Variants in SLC4A4 observed in about 807,000 individuals in gnomAD.
SLC4A4 encodes electrogenic sodium bicarbonate cotransporter 1.
Under a neutral mutation model 111.5 loss-of-function variants are expected in SLC4A4, and 27 were observed. The observed-to-expected ratio is 0.24, with a 90% CI of 0.18 to 0.33. The LOEUF is 0.33. Ranked by LOEUF, SLC4A4 falls within the 10% of genes least tolerant of loss-of-function variation. The pLI, the probability that SLC4A4 is intolerant of heterozygous loss-of-function variation, is 1.00. For synonymous variants in SLC4A4, 443 were observed against 463.4 expected, an observed-to-expected ratio of 0.96 and a Z score of 0.57; for missense variants, 909 against 1,315.5, an observed-to-expected ratio of 0.69 and a Z score of 4.78.
At chr4:71,145,049 G>A (rs926621976) in intron 2 of SLC4A4, among the ~76,000 whole-genome samples, 1 of 152,104 alleles carries the variant, frequency 6.6e-6, no homozygotes, top group African/African-American at 2.4e-5. Context: ...AATGCTTCGA[G>A]TTTTTGTCCA....
intron 2 of SLC4A4, among the ~76,000 whole-genome samples, chr4:71,250,852 G>A (rs1721017650): frequency 6.6e-6 from 1 of 152,174 alleles, no homozygotes; most frequent in African/African-American, 2.4e-5. Context: ...CTCCTGTGGG[G>A]TTTTATGAAG....
intron 13 of SLC4A4, among the ~76,000 whole-genome samples, chr4:71,468,012 A>G (rs1427387086): frequency 6.6e-6 from 1 of 152,074 alleles, no homozygotes; most frequent in Admixed American, 6.6e-5. Context: ...AAAAATAGTC[A>G]TAAGATGGAG....
At chr4:71,532,471 T>C (rs754664048) in intron 17 of SLC4A4, among the ~76,000 whole-genome samples, 5 of 152,142 alleles carry the variant, frequency 3.3e-5, no homozygotes, top group Admixed American at 6.6e-5. Context: ...ATCTATATAA[T>C]GACTCTGGGA....
At chr4:71,076,639 A>G (rs1204590829) in intron 1 of SLC4A4, among the ~76,000 whole-genome samples, 1 of 152,088 alleles carries the variant, frequency 6.6e-6, no homozygotes, top group Non-Finnish European at 1.5e-5. Flanking sequence ...TTGGGAATGT[A>G]TTTCTCATTT....
intron 7 of SLC4A4, among the ~76,000 whole-genome samples, chr4:71,407,651 C>T (rs1273761536): frequency 2.0e-5 from 3 of 152,144 alleles, no homozygotes; most frequent in Non-Finnish European, 4.4e-5. Flanking sequence ...AATTGGAATG[C>T]AACTATCTAG....
At chr4:71,321,216 T>C (rs900198902) in intron 3 of SLC4A4, among the ~76,000 whole-genome samples, 1 of 151,992 alleles carries the variant, frequency 6.6e-6, no homozygotes, top group African/African-American at 2.4e-5. Flanking sequence ...TAGAAGGAAG[T>C]TTATTTCTAT....
chr4:71,439,611 G>T (rs1486651474), intron 7 of SLC4A4, among the ~76,000 whole-genome samples: 1 of 151,812 alleles, frequency 6.6e-6, no homozygotes, highest in Non-Finnish European at 1.5e-5. Flanking sequence ...GGCTACTGGT[G>T]AAGTCTTGGT....
At chr4:71,434,078 A>G (rs1723889550) in intron 7 of SLC4A4, among the ~76,000 whole-genome samples, 1 of 152,046 alleles carries the variant, frequency 6.6e-6, no homozygotes, top group Non-Finnish European at 1.5e-5. Context: ...TGTATAATAC[A>G]TTTTACATGA....
chr4:71,105,117 T>C (rs984608074), intron 2 of SLC4A4, among the ~76,000 whole-genome samples: 3 of 134,848 alleles, frequency 2.2e-5, no homozygotes, highest in Non-Finnish European at 4.6e-5. Flanking sequence ...AGCATTCTTA[T>C]ACACCAACAA....
intron 18 of SLC4A4, among the ~76,000 whole-genome samples, chr4:71,537,285 A>T (rs1355660501): frequency 3.5e-5 from 2 of 56,878 alleles, no homozygotes; most frequent in Admixed American, 1.9e-4. Context: ...TAATACAAAT[A>T]TGTCTACATA....
At chr4:71,455,654 T>C (rs1422351613) in intron 12 of SLC4A4, among the ~76,000 whole-genome samples, 3 of 152,198 alleles carry the variant, frequency 2.0e-5, no homozygotes, top group Admixed American at 1.3e-4. Context: ...AGAGACTTTC[T>C]TGTGTTGTGC....
chr4:71,074,731 G>T (rs1210218015), intron 1 of SLC4A4, among the ~76,000 whole-genome samples: 1 of 152,018 alleles, frequency 6.6e-6, no homozygotes, highest in Non-Finnish European at 1.5e-5. Context: ...GAAAATAAAG[G>T]TTATGAGATT....
intron 2 of SLC4A4, among the ~76,000 whole-genome samples, chr4:71,238,396 A>G (rs1719953439): frequency 6.6e-6 from 1 of 152,246 alleles, no homozygotes; most frequent in African/African-American, 2.4e-5. Context: ...AATGAATAGC[A>G]CACAAATCTG....
chr4:71,091,104 T>C (rs999431380), intron 1 of SLC4A4, among the ~76,000 whole-genome samples: 1 of 152,056 alleles, frequency 6.6e-6, no homozygotes, highest in Non-Finnish European at 1.5e-5. Flanking sequence ...CGCACCACCA[T>C]ACTCAGCTTA....
At chr4:71,414,977 C>A (rs1349020438) in intron 7 of SLC4A4, among the ~76,000 whole-genome samples, 2 of 152,154 alleles carry the variant, frequency 1.3e-5, no homozygotes, top group Non-Finnish European at 2.9e-5. Flanking sequence ...TGAGGGAATG[C>A]AGATCATTAA....
intron 12 of SLC4A4, among the ~76,000 whole-genome samples, chr4:71,459,323 A>T (rs1300610164): frequency 2.0e-5 from 3 of 151,996 alleles, no homozygotes; most frequent in African/African-American, 7.2e-5. Flanking sequence ...TATTGTAGAA[A>T]ATTCCAAAAA....
At chr4:71,272,001 A>C (rs1722736464) in intron 3 of SLC4A4, among the ~76,000 whole-genome samples, 1 of 152,250 alleles carries the variant, frequency 6.6e-6, no homozygotes, top group South Asian at 2.1e-4. Flanking sequence ...GGAGTAAGCC[A>C]GCAATTGAGA....
rs140981106 is a variant in SLC4A4 at position 71,162,338 on chromosome 4, G to A, written c.-2+69546G>A. Reference sequence around the variant, plus strand: ...ATCCAGGGTGGCCTGACTCCAAAGCGCATGCCCTTTCTGTTGTGCTCTTGC... The same window carrying A: ...ATCCAGGGTGGCCTGACTCCAAAGCACATGCCCTTTCTGTTGTGCTCTTGC... On this transcript the variant is annotated intron_variant, in intron 2 of 26. Coordinates refer to the SLC4A4 transcript ENST00000649996. Among the ~76,000 whole-genome samples, 771 of 152,240 alleles carry A rather than the reference G, an allele frequency of 5.1e-3. 8 individuals carry two copies. Among genetic ancestry groups the A allele is most frequent in the African/African-American group, 0.018 (731 of 41,558 alleles).
At chr4:71,335,186 C>T (rs568473869) in intron 3 of SLC4A4, among the ~76,000 whole-genome samples, 2 of 152,242 alleles carry the variant, frequency 1.3e-5, no homozygotes, top group South Asian at 4.2e-4. Context: ...ACCTATATAG[C>T]AAACCTGCAC....
Sources: gnomAD v4.1 joint callset for allele counts (sites outside exome capture counted in the v4.1 genomes callset) on GRCh38, gnomAD v4.1.1 for gene constraint, MANE v1.5 for transcripts, NCBI Gene and HGNC (gene_info 2026-07-23, HGNC 2026-07-21) for gene names.